The following DLG4 variants were observed in gnomAD, a reference collection of about 807,000 sequenced individuals.
The protein encoded by DLG4 is discs large MAGUK scaffold protein 4, also known as disks large homolog 4.
DLG4 carries 7 observed loss-of-function variants against 93.8 expected under a neutral mutation model. The ratio of observed to expected loss-of-function variants is 0.07; its 90% CI spans 0.04 to 0.14. The LOEUF (loss-of-function observed/expected upper bound fraction) is 0.14. Ranked by LOEUF, DLG4 falls within the 10% of genes least tolerant of loss-of-function variation. The pLI is 1.00. For synonymous variants in DLG4, 341 were observed against 387.6 expected, an observed-to-expected ratio of 0.88 and a Z score of 1.41; for missense variants, 545 against 992.9, an observed-to-expected ratio of 0.55 and a Z score of 6.06.
At chr17:7,200,375 GTT>G (rs1180322269) in intron 8 of DLG4, among the ~76,000 whole-genome samples, 1 of 152,130 alleles carries the variant, frequency 6.6e-6, no homozygotes, top group African/African-American at 2.4e-5. Context: ...TTTCAGTAAA[GTT>G]TTGTCATTTT....
chr17:7,208,524 G>A lies in DLG4; in HGVS notation c.31-285C>T, dbSNP rs2070583901. Reference sequence around the variant, plus strand: ...TCCTGGGACACTGGCCTTCTGGTGGGCATAGCCCCTCTGGCATCTGTGTCT... The same window carrying A: ...TCCTGGGACACTGGCCTTCTGGTGGACATAGCCCCTCTGGCATCTGTGTCT... On this transcript the variant is annotated intron_variant, in intron 1 of 19. Coordinates refer to ENST00000399506, the MANE Select transcript of DLG4 (RefSeq NM_001321075.3). The surrounding 1 kb of genome is among the most constrained non-coding windows in gnomAD (Gnocchi z 5.4). Among the ~76,000 whole-genome samples, 1 of 152,006 alleles carries A rather than the reference G, an allele frequency of 6.6e-6. No individual in the cohort carries two copies. The highest frequency in any genetic ancestry group is 1.5e-5 in the Non-Finnish European group (1 of 67,992).
At chr17:7,204,591 G>A (rs2070358593) in intron 2 of DLG4, among the ~76,000 whole-genome samples, 1 of 151,856 alleles carries the variant, frequency 6.6e-6, no homozygotes, top group Non-Finnish European at 1.5e-5. Flanking sequence ...GGGAGAGGGG[G>A]GTAGGCTTGG....
In DLG4 at chr17:7,193,631, G is replaced by A; in HGVS notation, c.1591+36C>T. The stretch of plus-strand genomic sequence containing the variant: ...GGCCGAGCGCAGGGTTGGGGGAGCA[G>A]CAAGTGCTGGGGCCAAGGCAGGGGC... On this transcript the variant is annotated intron_variant, in intron 15 of 19. Transcript: ENST00000399506. This position sits in a 1 kb window ranked among gnomAD's most constrained non-coding sequence, Gnocchi z 6.7. 6.5e-7 allele frequency: 1 copy of A among 1,530,750 alleles called. No individual in the cohort carries two copies. Among genetic ancestry groups the A allele is most frequent in the Non-Finnish European group, 8.8e-7 (1 of 1,141,396 alleles). 94.8% of individuals were successfully genotyped at this position (1,530,750 alleles called of 1,614,324 possible).
At chr17:7,213,912 G>A (rs912999311) in intron 1 of DLG4, 17 of 469,754 alleles carry the variant, frequency 3.6e-5, no homozygotes, top group Non-Finnish European at 5.7e-5. Flanking sequence ...GAGGATCCAA[G>A]GAGTCAGTGC....
intron 8 of DLG4, among the ~76,000 whole-genome samples, chr17:7,197,504 G>T (rs962442107): frequency 4.6e-5 from 7 of 151,704 alleles, no homozygotes; most frequent in Admixed American, 4.6e-4. Context: ...TTGTTTTTTT[G>T]GGGTTTTTTT....
chr17:7,218,637 G>GTAA (rs769269234), upstream of DLG4: 4 of 1,560,082 alleles, frequency 2.6e-6, no homozygotes, highest in Non-Finnish European at 3.5e-6. Context: ...GCTGACCTGG[G>GTAA]AGCTAGTGAG....
chr17:7,204,968 G>C, intron 2 of DLG4: 1 of 985,674 alleles, frequency 1.0e-6, no homozygotes, highest in Non-Finnish European at 1.2e-6. Flanking sequence ...CTGTCGTCAG[G>C]ACAACAGGGG....
At position 7,188,976 on chromosome 17, in the gene DLG4, G is replaced by T. The variant is rs2069367920; in HGVS notation, c.*1732C>A. Among the ~76,000 whole-genome samples the T allele has an allele frequency of 6.6e-6, 1 of 151,918 alleles. No homozygotes were observed. The highest frequency in any genetic ancestry group is 2.1e-4 in the South Asian group (1 of 4,800). On this transcript the variant is annotated 3_prime_UTR_variant, in exon 20 of 20. Transcript: ENST00000399506. ...AAAATACAAAAATTAGCCAGGAGTGGTGGCAGGCGCCTGTAATCCCAGCTA... is the reference window on the plus strand; with the variant it reads ...AAAATACAAAAATTAGCCAGGAGTGTTGGCAGGCGCCTGTAATCCCAGCTA...
At position 7,217,525 on chromosome 17, in the gene DLG4, C is replaced by T. The variant is rs2070980567; in HGVS notation, c.-378G>A. The T allele has an allele frequency of 1.9e-5, 8 of 421,816 alleles. No homozygotes were observed. Among genetic ancestry groups the T allele is most frequent in the Non-Finnish European group, 2.2e-5 (8 of 356,774 alleles). The allele number at this position is 421,816 out of a possible 1,614,324, so 26.1% of individuals were successfully genotyped here. A position where few individuals can be genotyped will look rare whatever the true frequency, so the allele number is the denominator to read the frequency against. The stretch of plus-strand genomic sequence containing the variant: ...CGGGGTAGGGGGGGGTCTTGCCAAA[C>T]GGCCAGGGGCTAGGGGCCGTGGCGG... On this transcript the variant is annotated 5_prime_UTR_variant, in exon 1 of 20. Transcript: ENST00000399506.
chr17:7,206,464 C>A (rs996209461), intron 2 of DLG4, among the ~76,000 whole-genome samples: 1 of 152,128 alleles, frequency 6.6e-6, no homozygotes, highest in African/African-American at 2.4e-5. Flanking sequence ...CCCTCCACCC[C>A]CTTCTGCTCC....
In DLG4 at chr17:7,197,173, T is replaced by C. The variant is rs897711259; in HGVS notation, c.788-121A>G. 4 of 995,874 alleles carry C rather than the reference T, an allele frequency of 4.0e-6. No individual in the cohort carries two copies. The African/African-American group carries it at 6.5e-5, about 16-fold the overall frequency. 61.7% of individuals were successfully genotyped at this position (995,874 alleles called of 1,614,324 possible). ...GGAAGGGAAGATATTCTGCCAGAGATGCCAGGGTGGGGTGGTAAGGGGATA... is the reference window on the plus strand; with the variant it reads ...GGAAGGGAAGATATTCTGCCAGAGACGCCAGGGTGGGGTGGTAAGGGGATA... On this transcript the variant is annotated intron_variant, in intron 8 of 19. Transcript: ENST00000399506.
chr17:7,217,103 C>G lies in DLG4; in HGVS notation c.30+15G>C. Reference sequence around the variant, plus strand: ...ATACCCTCCCCCCAGTTTATAGCCCCCCCATCATGCTTACCTTGGTTGTCA... The same window carrying G: ...ATACCCTCCCCCCAGTTTATAGCCCGCCCATCATGCTTACCTTGGTTGTCA... On this transcript the variant is annotated intron_variant, in intron 1 of 19. Coordinates refer to ENST00000399506, the MANE Select transcript of DLG4 (RefSeq NM_001321075.3). 7.8e-7 allele frequency: 1 copy of G among 1,287,432 alleles called. No homozygotes were observed. 79.8% of individuals were successfully genotyped at this position (1,287,432 alleles called of 1,614,324 possible).
chr17:7,219,605 C>T (rs956949999), upstream of DLG4: 18 of 1,177,102 alleles, frequency 1.5e-5, no homozygotes, highest in African/African-American at 1.3e-4. Flanking sequence ...ACTTCTCTTT[C>T]CCTACTTTTC....
At position 7,190,719 on chromosome 17, in the gene DLG4, C is replaced by A; in HGVS notation, c.2164G>T (p.Glu722Ter). 1.9e-6 allele frequency: 3 copies of A among 1,613,746 alleles called. No individual in the cohort carries two copies. In the South Asian group the frequency reaches 3.3e-5, roughly 18 times the overall value. Residue 722 changes from glutamate to a stop codon, truncating the protein, a stop_gained, in exon 20 of 20, where the codon GAG (glutamate) becomes TAG (stop). Coordinates refer to ENST00000399506, the MANE Select transcript of DLG4 (RefSeq NM_001321075.3). LOFTEE classifies it high-confidence loss of function. The part of the protein sequence containing the change: ...SGPYIWVPAR[E>*]RL ...AGCCAGGGCAGGAATCAGAGTCTCTCTCGGGCTGGAACCCAGATGTAGGGG... is the reference window on the plus strand; with the variant it reads ...AGCCAGGGCAGGAATCAGAGTCTCTATCGGGCTGGAACCCAGATGTAGGGG...
intron 2 of DLG4, among the ~76,000 whole-genome samples, chr17:7,206,070 A>G (rs777632115): frequency 2.6e-5 from 4 of 151,036 alleles, no homozygotes; most frequent in Non-Finnish European, 4.4e-5. Context: ...TCCCTTACCA[A>G]TGTGGCCTCA....
At chr17:7,214,530 C>T (rs572180761) in intron 1 of DLG4, among the ~76,000 whole-genome samples, 1 of 152,310 alleles carries the variant, frequency 6.6e-6, no homozygotes, top group South Asian at 2.1e-4. Context: ...CACACTGCCC[C>T]GCCCCCGGCA....
In DLG4 at chr17:7,195,811, G is replaced by C. The variant is rs751359728; in HGVS notation, c.1301+409C>G. On this transcript the variant is annotated intron_variant, in intron 11 of 19. Transcript: ENST00000399506. This position sits in a 1 kb window ranked among gnomAD's most constrained non-coding sequence, Gnocchi z 4.3. The stretch of plus-strand genomic sequence containing the variant: ...AAGAGGGGAGCAAAATGCCGCTGGA[G>C]AGACGGGGGCAGGCACCACAGAGCT... 3.9e-5 allele frequency among the ~76,000 whole-genome samples: 6 copies of C among 152,208 alleles called. No homozygotes were observed. The highest frequency in any genetic ancestry group is 5.9e-5 in the Non-Finnish European group (4 of 68,038).
At chr17:7,204,794 G>T (rs1251418057) in intron 2 of DLG4, among the ~76,000 whole-genome samples, 3 of 130,916 alleles carry the variant, frequency 2.3e-5, no homozygotes, top group Non-Finnish European at 3.1e-5. Flanking sequence ...ACAGACATTT[G>T]CCCTAAACCC....
At chr17:7,206,168 C>T (rs530901164) in intron 2 of DLG4, among the ~76,000 whole-genome samples, 5 of 151,980 alleles carry the variant, frequency 3.3e-5, no homozygotes, top group Non-Finnish European at 4.4e-5. Flanking sequence ...TAGCTCACTG[C>T]GGCCTTGAAC....
Sources: allele counts gnomAD v4.1 joint callset (sites outside exome capture counted in the v4.1 genomes callset), GRCh38; gene constraint gnomAD v4.1.1; non-coding constraint Gnocchi (gnomAD v3.1); transcripts MANE v1.5; gene names NCBI Gene and HGNC (gene_info 2026-07-23, HGNC 2026-07-21).